ENOX1: variants seen among roughly 807,000 people sequenced by gnomAD.
The protein encoded by ENOX1 is ecto-NOX disulfide-thiol exchanger 1.
In ENOX1, 42 loss-of-function variants were observed where a neutral mutation model predicts 82.5. That is an observed-to-expected ratio of 0.51 (90% confidence interval 0.40 to 0.66). The LOEUF (loss-of-function observed/expected upper bound fraction) is 0.66, where lower values mean the gene tolerates loss of function less well. ENOX1 is among the 30% of genes least tolerant of loss of function. The pLI, the probability that ENOX1 is intolerant of heterozygous loss-of-function variation, is 0.00. For missense variants in ENOX1, 608 were observed against 811.6 expected (o/e 0.75, Z 3.05); for synonymous variants, 271 against 282.2 (o/e 0.96, Z 0.40).
chr13:43,305,927 G>T (rs2046833844), intron 11 of ENOX1, among the ~76,000 whole-genome samples: 1 of 152,182 alleles, frequency 6.6e-6, no homozygotes, highest in African/African-American at 2.4e-5. Context: ...CCAAGCCGGG[G>T]ACAGGGCAGG....
intron 3 of ENOX1, among the ~76,000 whole-genome samples, chr13:43,429,737 G>A (rs2055548081): frequency 6.6e-6 from 1 of 152,166 alleles, no homozygotes; most frequent in African/African-American, 2.4e-5. Flanking sequence ...TATTAAAAAT[G>A]TGATGCAAAA....
At chr13:43,647,457 G>T (rs541437776) in intron 2 of ENOX1, among the ~76,000 whole-genome samples, 6 of 152,258 alleles carry the variant, frequency 3.9e-5, no homozygotes, top group South Asian at 4.2e-4. Flanking sequence ...CTTCCCCAGG[G>T]TCTCCATATC....
chr13:43,566,083 T>A (rs1236453405), intron 2 of ENOX1, among the ~76,000 whole-genome samples: 2 of 152,216 alleles, frequency 1.3e-5, no homozygotes, highest in Non-Finnish European at 2.9e-5. Context: ...ATGCATGTTT[T>A]CCTGAGCCAA....
chr13:43,259,407 C>T (rs2043929556), intron 14 of ENOX1, among the ~76,000 whole-genome samples: 2 of 152,178 alleles, frequency 1.3e-5, no homozygotes, highest in African/African-American at 4.8e-5. Context: ...GATGCAAGAG[C>T]TGCAACACCT....
rs946430804 is a variant in ENOX1, at chr13:43,784,431, A to T, written c.-285+2221T>A. Among the ~76,000 whole-genome samples, 6 of 152,390 alleles carry T rather than the reference A, an allele frequency of 3.9e-5. No homozygotes were observed. The East Asian group carries it at 9.6e-4, about 24-fold the overall frequency. On this transcript the variant is annotated intron_variant, in intron 1 of 16. Transcript: ENST00000690772. ...CTTGAATAGGAGGTCCTCCAGTCAG[A>T]AAAGCAATCCTGTCTACTTATATAA...
In ENOX1 at chr13:43,408,181, G is replaced by T. The variant is rs1016160528; in HGVS notation, c.208+3735C>A. On this transcript the variant is annotated intron_variant, in intron 5 of 16. Transcript: ENST00000690772. Reference sequence around the variant, plus strand: ...AAGAGGCGTCACTGTGGAAGTGCACGACAGCACATCTGAAAGGTGTGCTAC... The same window carrying T: ...AAGAGGCGTCACTGTGGAAGTGCACTACAGCACATCTGAAAGGTGTGCTAC... Among the ~76,000 whole-genome samples the T allele has an allele frequency of 3.9e-5, 6 of 152,196 alleles. No individual in the cohort carries two copies. The South Asian group carries it at 1.2e-3, about 31-fold the overall frequency.
intron 9 of ENOX1, among the ~76,000 whole-genome samples, chr13:43,331,408 C>A (rs1015367156): frequency 6.6e-6 from 1 of 152,192 alleles, no homozygotes; most frequent in African/African-American, 2.4e-5. Context: ...AAATAAAGCA[C>A]CTCAAACAAA....
At chr13:43,770,615 T>C (rs1017129981) in intron 1 of ENOX1, among the ~76,000 whole-genome samples, 20 of 151,714 alleles carry the variant, frequency 1.3e-4, no homozygotes, top group African/African-American at 4.6e-4. Flanking sequence ...TATGAAAAAA[T>C]GGATTATATA....
chr13:43,485,995 G>A (rs1213655839), intron 2 of ENOX1, among the ~76,000 whole-genome samples: 1 of 152,166 alleles, frequency 6.6e-6, no homozygotes, highest in African/African-American at 2.4e-5. Context: ...TGGATCATGA[G>A]GTCAGGAGAT....
At chr13:43,348,565 G>A (rs1313380319) in intron 8 of ENOX1, among the ~76,000 whole-genome samples, 1 of 152,148 alleles carries the variant, frequency 6.6e-6, no homozygotes, top group Non-Finnish European at 1.5e-5. Context: ...ATTTTAAATT[G>A]CACACTGTTC....
intron 3 of ENOX1, among the ~76,000 whole-genome samples, chr13:43,447,003 C>T (rs2056683771): frequency 6.6e-6 from 1 of 152,166 alleles, no homozygotes. Flanking sequence ...ATGAAATTTG[C>T]CTTAGAGGGC....
intron 2 of ENOX1, among the ~76,000 whole-genome samples, chr13:43,508,555 A>T (rs547296736): frequency 6.6e-6 from 1 of 152,180 alleles, no homozygotes; most frequent in South Asian, 2.1e-4. Context: ...TAAGTATATT[A>T]TTCAAAGGTA....
intron 2 of ENOX1, among the ~76,000 whole-genome samples, chr13:43,567,398 C>A (rs1216171789): frequency 6.6e-6 from 1 of 152,054 alleles, no homozygotes; most frequent in Non-Finnish European, 1.5e-5. Context: ...TTCTATCACT[C>A]TCCTCTTTAT....
At chr13:43,276,873 A>G (rs2045066635) in intron 12 of ENOX1, among the ~76,000 whole-genome samples, 1 of 152,178 alleles carries the variant, frequency 6.6e-6, no homozygotes. Context: ...TTCTTGTTAC[A>G]TGGGCTTGTA....
chr13:43,478,882 T>C (rs1034718976), intron 3 of ENOX1, among the ~76,000 whole-genome samples: 1 of 152,222 alleles, frequency 6.6e-6, no homozygotes, highest in African/African-American at 2.4e-5. Flanking sequence ...AATTTGGTTT[T>C]TCATGGAGAG....
chr13:43,219,655 A>G (rs1308265371), intron 16 of ENOX1, among the ~76,000 whole-genome samples: 3 of 152,256 alleles, frequency 2.0e-5, no homozygotes, highest in Admixed American at 2.0e-4. Context: ...TGTGCTGTTG[A>G]TACCGCAGAG....
At chr13:43,540,841 G>C (rs1362905797) in intron 2 of ENOX1, among the ~76,000 whole-genome samples, 2 of 152,124 alleles carry the variant, frequency 1.3e-5, no homozygotes, top group Non-Finnish European at 2.9e-5. Context: ...CCTCAAAAAA[G>C]GTGGTGCCTT....
At chr13:43,299,479 G>A (rs902002832) in intron 11 of ENOX1, among the ~76,000 whole-genome samples, 2 of 152,090 alleles carry the variant, frequency 1.3e-5, no homozygotes, top group African/African-American at 4.8e-5. Context: ...TGCCGGTGCT[G>A]GTCTTATGCT....
chr13:43,214,270 C>A (rs958715496), intron 16 of ENOX1, 149 bp from the exon 17 acceptor site: 8 of 820,650 alleles, frequency 9.7e-6, no homozygotes, highest in Non-Finnish European at 9.4e-6. Flanking sequence ...AAGGAACATT[C>A]AGAAGTACTG....
Sources: allele counts gnomAD v4.1 joint callset (sites outside exome capture counted in the v4.1 genomes callset), GRCh38; gene constraint gnomAD v4.1.1; transcripts MANE v1.5; gene names NCBI Gene and HGNC (gene_info 2026-07-23, HGNC 2026-07-21).